The following USH2A variants were observed in gnomAD, a reference collection of about 807,000 sequenced individuals.
USH2A encodes the protein Usher syndrome 2A (autosomal recessive, mild).
Under a neutral mutation model 538.9 loss-of-function variants are expected in USH2A, and 443 were observed. The ratio of observed to expected loss-of-function variants is 0.82; its 90% confidence interval spans 0.76 to 0.89. USH2A has a LOEUF of 0.89. USH2A is among the 40% of genes least tolerant of loss of function. The probability of loss-of-function intolerance (pLI) is 0.00; values close to 1 mark genes in which losing one functional copy is unlikely to be tolerated. For missense variants in USH2A, 6,633 were observed against 6,324.8 expected, an observed-to-expected ratio of 1.05 and a Z score of -1.65; for synonymous variants, 2,413 against 2,273.5, an observed-to-expected ratio of 1.06 and a Z score of -1.75.
chr1:215,684,802 G>A (rs1658355909), intron 61 of USH2A, among the ~76,000 whole-genome samples: 1 of 152,004 alleles, frequency 6.6e-6, no homozygotes, highest in Admixed American at 6.6e-5. Context: ...ATGAGTTTTG[G>A]CTTCTGCATC....
chr1:216,149,202 C>T (rs963780980), intron 21 of USH2A, among the ~76,000 whole-genome samples: 4 of 152,094 alleles, frequency 2.6e-5, no homozygotes, highest in Admixed American at 6.5e-5. Context: ...CAGCGGCTGC[C>T]GCTGCTTTAA....
At chr1:215,855,525 T>C (rs958034246) in intron 44 of USH2A, among the ~76,000 whole-genome samples, 1 of 152,126 alleles carries the variant, frequency 6.6e-6, no homozygotes, top group African/African-American at 2.4e-5. Context: ...ACAAATCCCA[T>C]ATACATGGAT....
intron 47 of USH2A, among the ~76,000 whole-genome samples, chr1:215,824,999 T>C (rs1663115125): frequency 1.3e-5 from 2 of 152,156 alleles, no homozygotes; most frequent in Non-Finnish European, 2.9e-5. Flanking sequence ...TACATTTGTT[T>C]CTGTTTTCTG....
chr1:215,968,162 T>G (rs1667401254), intron 36 of USH2A, among the ~76,000 whole-genome samples: 2 of 152,302 alleles, frequency 1.3e-5, no homozygotes, highest in South Asian at 2.1e-4. Flanking sequence ...TATTTCAAAA[T>G]TTATAAAACC....
Position 215,634,572 on chromosome 1 carries a change from T to C in USH2A, c.15184A>G (p.Ile5062Val). The C allele has an allele frequency of 1.2e-6, 2 of 1,614,146 alleles. No individual in the cohort carries two copies. The highest frequency in any genetic ancestry group is 1.7e-6 in the Non-Finnish European group (2 of 1,180,028). The change falls in exon 70 of 72, where the codon ATA becomes GTA. Residue 5062 changes from isoleucine to valine, a missense_variant. Physicochemically the swap from Ile to Val is conservative, Grantham distance 29 (BLOSUM62 3). Transcript: ENST00000307340. ...LILLAIFLSL[I>V]LQRKIHKEPY... ...TCTTTGTGGATTTTTCTTTGTAGTATCAGGGACAGAAAAATGGCCAACAAG... is the reference window on the plus strand; with the variant it reads ...TCTTTGTGGATTTTTCTTTGTAGTACCAGGGACAGAAAAATGGCCAACAAG...
chr1:216,283,822 C>G (rs1558363285), intron 11 of USH2A, among the ~76,000 whole-genome samples: 1 of 151,820 alleles, frequency 6.6e-6, no homozygotes, highest in East Asian at 1.9e-4. Context: ...TAATGTTGTC[C>G]CCAGTCTTAC....
At chr1:216,190,721 TG>T (rs2034698140) in intron 19 of USH2A, among the ~76,000 whole-genome samples, 1 of 151,942 alleles carries the variant, frequency 6.6e-6, no homozygotes, top group Non-Finnish European at 1.5e-5. Context: ...AACAAAGCCA[TG>T]GGGCTTGGCC....
intron 5 of USH2A, 35 bp from the exon 6 acceptor site, chr1:216,325,634 G>A (rs766062932): frequency 9.4e-6 from 15 of 1,599,100 alleles, no homozygotes; most frequent in Admixed American, 3.4e-5. Context: ...TAAGGACAAA[G>A]AGCTTAACAG....
At chr1:215,911,310 T>A (rs1665774989) in intron 38 of USH2A, among the ~76,000 whole-genome samples, 1 of 151,998 alleles carries the variant, frequency 6.6e-6, no homozygotes, top group Non-Finnish European at 1.5e-5. Context: ...GCATTCATTC[T>A]ATTTTTTTAA....
At chr1:216,293,319 C>A (rs970896579) in intron 9 of USH2A, among the ~76,000 whole-genome samples, 89 of 152,152 alleles carry the variant, frequency 5.8e-4, no homozygotes, top group African/African-American at 2.0e-3. Context: ...CCACCGCACC[C>A]GGCCACTTCT....
chr1:215,947,016 T>C (rs35603392), intron 37 of USH2A, among the ~76,000 whole-genome samples: 6,321 of 151,182 alleles, frequency 0.042, 151 homozygotes, highest in Middle Eastern at 0.096. Flanking sequence ...ATATTTTAGA[T>C]AGATTGTATT....
intron 3 of USH2A, among the ~76,000 whole-genome samples, chr1:216,394,823 A>G (rs1218358647): frequency 6.8e-6 from 1 of 146,292 alleles, no homozygotes; most frequent in Non-Finnish European, 1.5e-5. Flanking sequence ...GGTTCACGCC[A>G]TTCTCCTGCC....
intron 14 of USH2A, among the ~76,000 whole-genome samples, chr1:216,218,601 C>T (rs1330071394): frequency 6.6e-6 from 1 of 152,092 alleles, no homozygotes; most frequent in Non-Finnish European, 1.5e-5. Flanking sequence ...CTGATAAAAG[C>T]TAAGACTGCC....
intron 11 of USH2A, among the ~76,000 whole-genome samples, chr1:216,286,723 CTAAA>C (rs145969783): frequency 6.6e-5 from 10 of 150,998 alleles, no homozygotes; most frequent in African/African-American, 1.7e-4. Context: ...GACTCTGTCT[CTAAA>C]TAAATAAATA....
chr1:216,336,959 T>C (rs1226136367), intron 4 of USH2A, among the ~76,000 whole-genome samples: 1 of 151,456 alleles, frequency 6.6e-6, no homozygotes, highest in Non-Finnish European at 1.5e-5. Context: ...CCCTGATGAA[T>C]TGATTCAGAT....
chr1:216,391,214 C>T (rs916288147), intron 3 of USH2A, among the ~76,000 whole-genome samples: 5 of 152,180 alleles, frequency 3.3e-5, no homozygotes, highest in Admixed American at 6.5e-5. Context: ...CATTCAATTG[C>T]GAGAAGTTGC....
At chr1:216,389,785 C>A (rs540272717) in intron 3 of USH2A, among the ~76,000 whole-genome samples, 5 of 152,122 alleles carry the variant, frequency 3.3e-5, no homozygotes, top group Admixed American at 3.3e-4. Context: ...AATCTTGCCT[C>A]AAACACATTT....
intron 61 of USH2A, among the ~76,000 whole-genome samples, chr1:215,693,873 G>A (rs1360744256): frequency 6.6e-6 from 1 of 152,136 alleles, no homozygotes; most frequent in African/African-American, 2.4e-5. Context: ...GAGATTAGTG[G>A]CCTACATGTT....
At chr1:216,409,994 T>C (rs1192792747) in intron 3 of USH2A, among the ~76,000 whole-genome samples, 1 of 151,982 alleles carries the variant, frequency 6.6e-6, no homozygotes, top group African/African-American at 2.4e-5. Context: ...CTGGCCTCTA[T>C]AACAAACTTC....
Sources: gnomAD v4.1 joint callset for allele counts (sites outside exome capture counted in the v4.1 genomes callset) on GRCh38, gnomAD v4.1.1 for gene constraint, MANE v1.5 for transcripts, NCBI Gene and HGNC (gene_info 2026-07-23, HGNC 2026-07-21) for gene names.